The following RBFOX1 variants were observed in gnomAD, a reference collection of about 807,000 sequenced individuals.
RBFOX1 encodes RNA binding fox-1 homolog 1.
RBFOX1 carries 8 observed loss-of-function variants against 57.7 expected under a neutral mutation model. The ratio of observed to expected loss-of-function variants is 0.14; its 90% CI spans 0.08 to 0.25. RBFOX1 has a LOEUF of 0.25. Ranked by LOEUF, RBFOX1 falls within the 10% of genes least tolerant of loss-of-function variation. The pLI is 1.00. For synonymous variants in RBFOX1, 326 were observed against 222.4 expected, an observed-to-expected ratio of 1.47 and a Z score of -4.15; for missense variants, 611 against 548.5, an observed-to-expected ratio of 1.11 and a Z score of -1.14.
intron 2 of RBFOX1, among the ~76,000 whole-genome samples, chr16:6,477,089 G>T (rs1414502181): frequency 6.6e-6 from 1 of 152,068 alleles, no homozygotes; most frequent in Non-Finnish European, 1.5e-5. Context: ...ACATTTCCAG[G>T]TTCTTCCTCC....
chr16:6,855,955 C>T (rs1443385280), intron 3 of RBFOX1, among the ~76,000 whole-genome samples: 1 of 151,850 alleles, frequency 6.6e-6, no homozygotes, highest in East Asian at 2.0e-4. Flanking sequence ...TGGGCTCTGT[C>T]ATTTGTACCC....
intron 4 of RBFOX1, among the ~76,000 whole-genome samples, chr16:7,156,983 T>A (rs993815700): frequency 6.6e-6 from 1 of 152,206 alleles, no homozygotes; most frequent in African/African-American, 2.4e-5. Context: ...ACTTCCCTTA[T>A]AACAAACATA....
intron 2 of RBFOX1, among the ~76,000 whole-genome samples, chr16:6,438,656 G>C (rs77587169): frequency 0.047 from 7,172 of 152,158 alleles, 451 homozygotes; most frequent in African/African-American, 0.14. Flanking sequence ...TGGGGTTGGC[G>C]TTGTTTGGTC....
chr16:5,788,835 A>G lies in RBFOX1; in HGVS notation c.319-78468A>G, dbSNP rs147418613. ...CTCCCAAGTTATTAGGAAAATTATAAGTTAAAAATCTAAGAGGCCCCAAAA... is the reference window on the plus strand; with the variant it reads ...CTCCCAAGTTATTAGGAAAATTATAGGTTAAAAATCTAAGAGGCCCCAAAA... On this transcript the variant is annotated intron_variant, in intron 3 of 19. Coordinates refer to the RBFOX1 transcript ENST00000641259. Among the ~76,000 whole-genome samples, 4 of 152,212 alleles carry G rather than the reference A, an allele frequency of 2.6e-5. No individual in the cohort carries two copies. The East Asian group carries it at 7.7e-4, about 29-fold the overall frequency.
At chr16:7,453,711 A>C (rs1186761727) in intron 4 of RBFOX1, among the ~76,000 whole-genome samples, 1 of 152,160 alleles carries the variant, frequency 6.6e-6, no homozygotes, top group African/African-American at 2.4e-5. Context: ...GTAAGACAGC[A>C]TCCTTGCCTC....
Position 6,906,080 on chromosome 16 carries a change from C to T in RBFOX1, c.-15-145977C>T, listed in dbSNP as rs184680935. Among the ~76,000 whole-genome samples, 500 of 151,546 alleles carry T rather than the reference C, an allele frequency of 3.3e-3. 2 individuals carry two copies. The highest frequency in any genetic ancestry group is 0.016 in the East Asian group (85 of 5,152). On this transcript the variant is annotated intron_variant, in intron 3 of 15. Coordinates refer to ENST00000550418, the MANE Select transcript of RBFOX1 (RefSeq NM_018723.4). ...AGCTCATCTCCACCTGATACTTTGT[C>T]TTCGATGGAACGCTTTGCTTTATCA...
intron 3 of RBFOX1, among the ~76,000 whole-genome samples, chr16:5,615,793 C>G (rs1199350178): frequency 2.0e-5 from 3 of 152,216 alleles, no homozygotes; most frequent in Non-Finnish European, 2.9e-5. Flanking sequence ...ATCTGGGTTT[C>G]TGCCCCATGA....
intron 1 of RBFOX1, among the ~76,000 whole-genome samples, chr16:5,430,120 G>A (rs191241840): frequency 5.9e-5 from 9 of 152,324 alleles, no homozygotes; most frequent in African/African-American, 2.2e-4. Context: ...CTGACCATCA[G>A]CTGGGGGGAT....
intron 1 of RBFOX1, among the ~76,000 whole-genome samples, chr16:5,262,766 G>T (rs1395649976): frequency 1.3e-5 from 2 of 152,234 alleles, no homozygotes; most frequent in Non-Finnish European, 2.9e-5. Context: ...CTGGGGTGCT[G>T]ATGGGGAGTT....
intron 1 of RBFOX1, among the ~76,000 whole-genome samples, chr16:6,202,884 TGCCTCA>T (rs2097224236): frequency 6.6e-6 from 1 of 152,142 alleles, no homozygotes; most frequent in Non-Finnish European, 1.5e-5. Context: ...ATATTCCTCC[TGCCTCA>T]GCCTCCCAAG....
intron 4 of RBFOX1, among the ~76,000 whole-genome samples, chr16:7,351,638 A>T (rs560112979): frequency 1.7e-4 from 26 of 152,206 alleles, no homozygotes; most frequent in Middle Eastern, 3.4e-3. Context: ...GAAATTTTTC[A>T]CCCATTAGCT....
chr16:6,170,091 A>C (rs2152763189), intron 1 of RBFOX1, among the ~76,000 whole-genome samples: 1 of 152,262 alleles, frequency 6.6e-6, no homozygotes, highest in Admixed American at 6.5e-5. Flanking sequence ...TTTGTCCACA[A>C]GGACTCAAAT....
At chr16:7,228,201 GAT>G (rs1353951702) in intron 4 of RBFOX1, among the ~76,000 whole-genome samples, 4 of 152,070 alleles carry the variant, frequency 2.6e-5, no homozygotes, top group African/African-American at 9.7e-5. Flanking sequence ...TGTGCCAACA[GAT>G]AGTAGATTTT....
chr16:5,322,311 T>G (rs190233343), intron 1 of RBFOX1, among the ~76,000 whole-genome samples: 6 of 152,284 alleles, frequency 3.9e-5, no homozygotes, highest in Non-Finnish European at 7.4e-5. Context: ...GATACATTCC[T>G]CACTCAACCT....
intron 3 of RBFOX1, among the ~76,000 whole-genome samples, chr16:6,861,737 A>G (rs1350727547): frequency 1.4e-5 from 2 of 147,782 alleles, no homozygotes; most frequent in Non-Finnish European, 3.0e-5. Context: ...ATTTACAGCT[A>G]TTTGAAAACC....
intron 1 of RBFOX1, among the ~76,000 whole-genome samples, chr16:5,393,243 G>A (rs1378827528): frequency 1.3e-5 from 2 of 152,082 alleles, no homozygotes; most frequent in Admixed American, 1.3e-4. Context: ...CACTGGACAC[G>A]GTGCCCTGTA....
intron 4 of RBFOX1, among the ~76,000 whole-genome samples, chr16:5,911,926 A>T (rs1469671172): frequency 6.6e-6 from 1 of 152,158 alleles, no homozygotes; most frequent in African/African-American, 2.4e-5. Context: ...ATTTCAGTAT[A>T]TGAATTTTGA....
rs187749450 is a variant in RBFOX1, at chr16:5,573,996, C to T, written c.259-24906C>T. On this transcript the variant is annotated intron_variant, in intron 2 of 2. Coordinates refer to the RBFOX1 transcript ENST00000585867. ...AAAGAAAAAATGAAACAAGTCTGTT[C>T]CGAAACCATATCTTGTTTATGTTTA... Among the ~76,000 whole-genome samples, 91 of 152,262 alleles carry T rather than the reference C, an allele frequency of 6.0e-4. 2 individuals carry two copies. The highest frequency in any genetic ancestry group is 1.6e-3 in the African/African-American group (68 of 41,556).
At chr16:6,950,310 C>G (rs537610560) in intron 3 of RBFOX1, among the ~76,000 whole-genome samples, 22 of 152,006 alleles carry the variant, frequency 1.4e-4, no homozygotes, top group African/African-American at 5.3e-4. Flanking sequence ...CTCACAGCCT[C>G]ATGTACACAC....
Sources: gnomAD v4.1 joint callset for allele counts (sites outside exome capture counted in the v4.1 genomes callset) on GRCh38, gnomAD v4.1.1 for gene constraint, MANE v1.5 for transcripts, NCBI Gene and HGNC (gene_info 2026-07-23, HGNC 2026-07-21) for gene names.